FAM118B: variants seen among roughly 807,000 people sequenced by gnomAD.
FAM118B encodes protein FAM118B.
FAM118B carries 24 observed loss-of-function variants against 38.5 expected under a neutral mutation model. The ratio of observed to expected loss-of-function variants is 0.62; its 90% confidence interval spans 0.45 to 0.88. The LOEUF is 0.88. FAM118B is among the 40% of genes least tolerant of loss of function. The probability of loss-of-function intolerance (pLI) is 0.00; values close to 1 mark genes in which losing one functional copy is unlikely to be tolerated. For missense variants in FAM118B, 334 were observed against 420.0 expected (o/e 0.80, Z 1.79); for synonymous variants, 138 against 156.3 (o/e 0.88, Z 0.87).
chr11:126,251,470 T>A (rs1358397255), intron 5 of FAM118B, among the ~76,000 whole-genome samples: 1 of 152,172 alleles, frequency 6.6e-6, no homozygotes, highest in South Asian at 2.1e-4. Context: ...CTCTTGTGGT[T>A]TTGCTGACCT....
chr11:126,248,025 A>G (rs543976597), intron 4 of FAM118B, among the ~76,000 whole-genome samples: 44 of 150,780 alleles, frequency 2.9e-4, no homozygotes, highest in African/African-American at 9.7e-4. Context: ...ACGCACCTGT[A>G]GTCCCAGCTA....
chr11:126,241,148 G>A (rs1950352528), intron 4 of FAM118B, 104 bp downstream of exon 4: 1 of 1,217,418 alleles, frequency 8.2e-7, no homozygotes, highest in East Asian at 2.4e-5. Flanking sequence ...ATGTAACAGG[G>A]ATATTCATTT....
intron 1 of FAM118B, among the ~76,000 whole-genome samples, chr11:126,216,815 C>T (rs1413013332): frequency 1.3e-5 from 2 of 152,400 alleles, no homozygotes; most frequent in Non-Finnish European, 2.9e-5. Flanking sequence ...TATTGTACCA[C>T]ATCATTTATT....
chr11:126,235,612 G>A (rs961822341), intron 3 of FAM118B, among the ~76,000 whole-genome samples: 11 of 151,894 alleles, frequency 7.2e-5, no homozygotes, highest in Admixed American at 3.3e-4. Context: ...TCCACCTCCC[G>A]GGTTCAAGAA....
chr11:126,221,440 G>A (rs1357782022), intron 1 of FAM118B, among the ~76,000 whole-genome samples: 1 of 152,084 alleles, frequency 6.6e-6, no homozygotes, highest in African/African-American at 2.4e-5. Context: ...TTATCACATA[G>A]CTTATTTCTA....
At chr11:126,226,438 A>G (rs1950140967) in intron 1 of FAM118B, among the ~76,000 whole-genome samples, 1 of 109,508 alleles carries the variant, frequency 9.1e-6, no homozygotes, top group African/African-American at 3.7e-5. Context: ...GCAGGCCAGA[A>G]AGGAACGTGG....
At chr11:126,226,074 G>C (rs1011400636) in intron 1 of FAM118B, among the ~76,000 whole-genome samples, 1 of 151,756 alleles carries the variant, frequency 6.6e-6, no homozygotes, top group African/African-American at 2.4e-5. Context: ...GGAACATGGC[G>C]CAAGTTCCTA....
intron 1 of FAM118B, among the ~76,000 whole-genome samples, chr11:126,213,257 T>C (rs568013262): frequency 6.6e-6 from 1 of 152,334 alleles, no homozygotes; most frequent in East Asian, 1.9e-4. Flanking sequence ...TGTCAATGTT[T>C]GGCCTGAAGA....
chr11:126,248,667 G>A (rs1246197666), intron 4 of FAM118B, among the ~76,000 whole-genome samples: 1 of 152,072 alleles, frequency 6.6e-6, no homozygotes, highest in Non-Finnish European at 1.5e-5. Context: ...AGCACGCCCG[G>A]CCCAGACTCG....
At position 126,256,506 on chromosome 11, in the gene FAM118B, G is replaced by C. The variant is rs1002350404; in HGVS notation, c.697-61G>C. On this transcript the variant is annotated intron_variant, in intron 6 of 8. Coordinates refer to ENST00000533050, the MANE Select transcript of FAM118B (RefSeq NM_024556.4). This position sits in a 1 kb window ranked among gnomAD's most constrained non-coding sequence, Gnocchi z 6.6. Reference sequence around the variant, plus strand: ...CTGCTCAACGTAGCATGACCTTCTTGTTTCAGACTTGCCTTGAGTGTGTCT... The same window carrying C: ...CTGCTCAACGTAGCATGACCTTCTTCTTTCAGACTTGCCTTGAGTGTGTCT... 2 of 1,527,948 alleles carry C rather than the reference G, an allele frequency of 1.3e-6. No individual in the cohort carries two copies. The highest frequency in any genetic ancestry group is 2.8e-5 in the African/African-American group (2 of 72,648). 94.6% of individuals were successfully genotyped at this position (1,527,948 alleles called of 1,614,324 possible).
rs1263629335 is a variant in FAM118B, at chr11:126,244,806, AAAAT to A, written c.339+3773_339+3776del. On this transcript the variant is annotated intron_variant, in intron 4 of 8. Transcript: ENST00000533050. The surrounding 1 kb of genome is among the most constrained non-coding windows in gnomAD (Gnocchi z 4.5). Reference sequence around the variant, plus strand: ...CAACAAGAGCGAAACTCCATCTCAAAAAATAAATAAATAAGTGGAGAACTTATGC... The same window carrying A: ...CAACAAGAGCGAAACTCCATCTCAAAAAATAAATAAGTGGAGAACTTATGC... Among the ~76,000 whole-genome samples, 3 of 152,154 alleles carry A rather than the reference AAAAT, an allele frequency of 2.0e-5. No individual in the cohort carries two copies. Among genetic ancestry groups the A allele is most frequent in the African/African-American group, 2.4e-5 (1 of 41,434 alleles).
At position 126,260,158 on chromosome 11, in the gene FAM118B, G is replaced by C. The variant is rs111554736; in HGVS notation, c.983-1267G>C. On this transcript the variant is annotated intron_variant, in intron 7 of 8. Transcript: ENST00000533050. ...GGCGATCCTCCCACCTCAGCCTCCC[G>C]AGTAGCTGAGACTAAAGGCACATAC... 7.1e-3 allele frequency among the ~76,000 whole-genome samples: 1,072 copies of C among 151,854 alleles called. 11 individuals carry two copies. The highest frequency in any genetic ancestry group is 0.023 in the African/African-American group (955 of 41,382).
chr11:126,240,677 ATCT>A (rs1252234599), intron 3 of FAM118B, 112 bp from the exon 4 acceptor site: 1 of 1,100,334 alleles, frequency 9.1e-7, no homozygotes, highest in East Asian at 2.4e-5. Context: ...ACTGCTGTTC[ATCT>A]TCTTTGCAAC....
intron 3 of FAM118B, among the ~76,000 whole-genome samples, chr11:126,240,015 A>G (rs1336223368): frequency 6.6e-6 from 1 of 152,204 alleles, no homozygotes; most frequent in Non-Finnish European, 1.5e-5. Flanking sequence ...GGAGGGGAAC[A>G]TGCCATCAGC....
chr11:126,254,527 A>G (rs550795720), intron 6 of FAM118B, 94 bp downstream of exon 6: 38 of 1,520,612 alleles, frequency 2.5e-5, no homozygotes, highest in Admixed American at 1.5e-4. Flanking sequence ...TCTTCTTTTC[A>G]TTAAGTGAAA....
chr11:126,217,648 G>A (rs758003800), intron 1 of FAM118B, among the ~76,000 whole-genome samples: 1 of 152,144 alleles, frequency 6.6e-6, no homozygotes, highest in East Asian at 1.9e-4. Flanking sequence ...CTTTACTGTT[G>A]CTCTCAAGAA....
intron 4 of FAM118B, among the ~76,000 whole-genome samples, chr11:126,248,779 A>G (rs1431039714): frequency 6.6e-6 from 1 of 152,210 alleles, no homozygotes; most frequent in Admixed American, 6.5e-5. Flanking sequence ...ACGTCTTACT[A>G]GGTCTCGCCT....
chr11:126,259,960 T>C (rs1950654141), intron 7 of FAM118B, among the ~76,000 whole-genome samples: 1 of 151,914 alleles, frequency 6.6e-6, no homozygotes, highest in African/African-American at 2.4e-5. Flanking sequence ...GACCTCGTGA[T>C]CCACCCACCT....
chr11:126,233,946 G>T (rs1229510188), intron 2 of FAM118B, among the ~76,000 whole-genome samples: 2 of 152,142 alleles, frequency 1.3e-5, no homozygotes, highest in Non-Finnish European at 2.9e-5. Context: ...ACCAGATGTG[G>T]TAGCATGTGC....
Sources: allele counts gnomAD v4.1 joint callset (sites outside exome capture counted in the v4.1 genomes callset), GRCh38; gene constraint gnomAD v4.1.1; non-coding constraint Gnocchi (gnomAD v3.1); transcripts MANE v1.5; gene names NCBI Gene and HGNC (gene_info 2026-07-23, HGNC 2026-07-21).